TCF4: variants seen among roughly 807,000 people sequenced by gnomAD.
TCF4 encodes SL3-3 enhancer factor 2.
TCF4 carries 3 observed loss-of-function variants against 82.1 expected under a neutral mutation model. The observed-to-expected ratio is 0.04, with a 90% CI of 0.02 to 0.09. TCF4 has a LOEUF of 0.09. Ranked by LOEUF, TCF4 falls within the 10% of genes least tolerant of loss-of-function variation. The probability of loss-of-function intolerance (pLI) is 1.00; values close to 1 mark genes in which losing one functional copy is unlikely to be tolerated. For synonymous variants in TCF4, 276 were observed against 309.6 expected (o/e 0.89, Z 1.14); for missense variants, 518 against 852.7 (o/e 0.61, Z 4.89).
chr18:55,412,118 G>A (rs539659271), intron 5 of TCF4, among the ~76,000 whole-genome samples: 1 of 152,038 alleles, frequency 6.6e-6, no homozygotes, highest in Non-Finnish European at 1.5e-5. Flanking sequence ...TTAAGTGATA[G>A]GCACAGCTCT....
intron 3 of TCF4, among the ~76,000 whole-genome samples, chr18:55,480,672 G>T (rs191730855): frequency 4.6e-5 from 7 of 152,084 alleles, no homozygotes; most frequent in African/African-American, 1.4e-4. Flanking sequence ...CCCTGTTCCC[G>T]GTCTCTTTAT....
intron 3 of TCF4, among the ~76,000 whole-genome samples, chr18:55,541,691 A>T (rs2097166615): frequency 6.6e-6 from 1 of 151,992 alleles, no homozygotes; most frequent in South Asian, 2.1e-4. Context: ...CAGTATCCTC[A>T]CTTACAAAAT....
rs376525193 is a variant in TCF4, at chr18:55,534,160, G to A, written c.145+51120C>T. Among the ~76,000 whole-genome samples the A allele has an allele frequency of 1.8e-4, 28 of 152,252 alleles. No homozygotes were observed. The South Asian group carries it at 4.6e-3, about 25-fold the overall frequency. On this transcript the variant is annotated intron_variant, in intron 3 of 19. Transcript: ENST00000354452. ...TAATTTTGTGCATAAAACAGTTTGC[G>A]TACTTTGGAACAACAGAAAAAGCAA...
rs184601141 is a variant in TCF4 at position 55,501,007 on chromosome 18, T to G, written c.146-36870A>C. On this transcript the variant is annotated intron_variant, in intron 3 of 19. Transcript: ENST00000354452. ...TAAATCAATGTATAATGATGATGAT[T>G]ATTACTGAGAACCCTGGAAGATCTA... Among the ~76,000 whole-genome samples, 206 of 152,338 alleles carry G rather than the reference T, an allele frequency of 1.4e-3. No homozygotes were observed. The Middle Eastern group carries it at 0.024, about 18-fold the overall frequency.
chr18:55,257,994 T>C (rs1038499000), intron 13 of TCF4, among the ~76,000 whole-genome samples: 28 of 152,168 alleles, frequency 1.8e-4, no homozygotes, highest in Non-Finnish European at 4.1e-4. Flanking sequence ...GCTGTTAGAA[T>C]ACATATTACA....
intron 5 of TCF4, among the ~76,000 whole-genome samples, chr18:55,445,441 G>A (rs2095509376): frequency 6.6e-6 from 1 of 152,172 alleles, no homozygotes; most frequent in African/African-American, 2.4e-5. Flanking sequence ...CGAAGAAGAA[G>A]CAAAAGCACG....
chr18:55,572,218 C>A (rs770006861), intron 3 of TCF4, among the ~76,000 whole-genome samples: 106 of 152,204 alleles, frequency 7.0e-4, no homozygotes, highest in Non-Finnish European at 1.4e-3. Context: ...CAGGATCCAA[C>A]CCATGCCCAC....
chr18:55,447,041 T>C lies in TCF4; in HGVS notation c.304+13978A>G, dbSNP rs538120448. Among the ~76,000 whole-genome samples, 4 of 150,668 alleles carry C rather than the reference T, an allele frequency of 2.7e-5. No homozygotes were observed. In the East Asian group the frequency reaches 7.8e-4, roughly 29 times the overall value. ...AAAATCTTAGCCAAGCTGGACACAG[T>C]GGCTCACACTTGTAATCTTTGGGAG... On this transcript the variant is annotated intron_variant, in intron 5 of 19. Coordinates refer to ENST00000354452, the MANE Select transcript of TCF4 (RefSeq NM_001083962.2).
chr18:55,381,329 AC>A (rs1032633739), intron 6 of TCF4, among the ~76,000 whole-genome samples: 1 of 152,228 alleles, frequency 6.6e-6, no homozygotes, highest in Non-Finnish European at 1.5e-5. Context: ...AGGTGAAAAC[AC>A]CCAGGTTTGG....
At chr18:55,374,674 G>A (rs185387413) in intron 6 of TCF4, among the ~76,000 whole-genome samples, 1 of 151,954 alleles carries the variant, frequency 6.6e-6, no homozygotes, top group African/African-American at 2.4e-5. Context: ...GCTAAGGCAG[G>A]CAGATGGCTA....
intron 2 of TCF4, among the ~76,000 whole-genome samples, chr18:55,603,918 G>A (rs1603625273): frequency 2.0e-5 from 3 of 152,070 alleles, no homozygotes; most frequent in Admixed American, 2.0e-4. Flanking sequence ...TCCTCCTATG[G>A]GGCTCATCAT....
At chr18:55,275,274 A>AG (rs779815077) in intron 10 of TCF4, among the ~76,000 whole-genome samples, 3 of 134,534 alleles carry the variant, frequency 2.2e-5, no homozygotes, top group African/African-American at 5.9e-5. Flanking sequence ...AACTACAGAT[A>AG]GAAAAAAAAA....
intron 5 of TCF4, among the ~76,000 whole-genome samples, chr18:55,441,635 TTTG>T (rs1215309293): frequency 6.6e-6 from 1 of 152,172 alleles, no homozygotes; most frequent in Non-Finnish European, 1.5e-5. Context: ...ACCCAGTAAA[TTTG>T]TTATTTTCAT....
intron 3 of TCF4, among the ~76,000 whole-genome samples, chr18:55,574,357 C>T (rs2097506886): frequency 6.6e-6 from 1 of 152,118 alleles, no homozygotes. Flanking sequence ...CAGAGTCTTG[C>T]TCTGTCGCCA....
At chr18:55,316,593 G>A (rs202179361) in intron 8 of TCF4, among the ~76,000 whole-genome samples, 8 of 152,110 alleles carry the variant, frequency 5.3e-5, no homozygotes, top group East Asian at 3.9e-4. Context: ...AGCCTCCATC[G>A]TGGTACTACA....
At chr18:55,263,845 AAGT>A (rs1479782489) in intron 11 of TCF4, among the ~76,000 whole-genome samples, 3 of 152,046 alleles carry the variant, frequency 2.0e-5, no homozygotes, top group Non-Finnish European at 2.9e-5. Context: ...TTTTCACAAA[AAGT>A]TCAGAGCTAC....
intron 5 of TCF4, among the ~76,000 whole-genome samples, chr18:55,427,664 C>T (rs1440805710): frequency 6.6e-6 from 1 of 152,174 alleles, no homozygotes; most frequent in Non-Finnish European, 1.5e-5. Flanking sequence ...ACACTGAACG[C>T]CCTCAACATT....
chr18:55,275,587 G>A (rs1165896077), intron 10 of TCF4, 32 bp downstream of exon 10: 2 of 1,613,476 alleles, frequency 1.2e-6, no homozygotes, highest in Non-Finnish European at 1.7e-6. Context: ...AACTAGCTGT[G>A]ACATTCCCGT....
At chr18:55,407,228 A>T (rs1389120614) in intron 5 of TCF4, among the ~76,000 whole-genome samples, 1 of 152,184 alleles carries the variant, frequency 6.6e-6, no homozygotes, top group African/African-American at 2.4e-5. Flanking sequence ...CTAATGGAGT[A>T]CACGAAGGGC....
Sources: gnomAD v4.1 joint callset for allele counts (sites outside exome capture counted in the v4.1 genomes callset) on GRCh38, gnomAD v4.1.1 for gene constraint, MANE v1.5 for transcripts, NCBI Gene and HGNC (gene_info 2026-07-23, HGNC 2026-07-21) for gene names.